TMEM131: variants seen among roughly 807,000 people sequenced by gnomAD.
TMEM131 encodes the protein 2610524E03Rik.
In TMEM131, 66 loss-of-function variants were observed where a neutral mutation model predicts 211.6. The ratio of observed to expected loss-of-function variants is 0.31; its 90% CI spans 0.26 to 0.38. The LOEUF (loss-of-function observed/expected upper bound fraction) is 0.38, where lower values mean the gene tolerates loss of function less well. Ranked by LOEUF, TMEM131 falls within the 10% of genes least tolerant of loss-of-function variation. TMEM131 has a pLI of 1.00. For missense variants in TMEM131, 2,036 were observed against 2,299.3 expected (o/e 0.89, Z 2.34); for synonymous variants, 844 against 841.3 (o/e 1.00, Z -0.06).
At chr2:97,912,698 C>T (rs1218142925) in intron 2 of TMEM131, among the ~76,000 whole-genome samples, 1 of 152,132 alleles carries the variant, frequency 6.6e-6, no homozygotes, top group Non-Finnish European at 1.5e-5. Context: ...TCCTACCTCC[C>T]CATCCCCAAA....
chr2:97,946,581 A>C (rs748812391), intron 1 of TMEM131, among the ~76,000 whole-genome samples: 8 of 152,016 alleles, frequency 5.3e-5, no homozygotes, highest in Non-Finnish European at 1.0e-4. Flanking sequence ...TACTTAAGAA[A>C]CTTATTTTGT....
At chr2:97,853,849 T>C (rs941798035) in intron 5 of TMEM131, among the ~76,000 whole-genome samples, 1 of 152,114 alleles carries the variant, frequency 6.6e-6, no homozygotes, top group Non-Finnish European at 1.5e-5. Context: ...GAAGAGGAGT[T>C]GTTTCTTAGG....
chr2:97,901,700 G>C (rs1364771276), intron 3 of TMEM131, among the ~76,000 whole-genome samples: 1 of 152,288 alleles, frequency 6.6e-6, no homozygotes, highest in East Asian at 1.9e-4. Flanking sequence ...AATATTGCAT[G>C]TTCTGACTTA....
chr2:97,771,627 T>G (rs1443497428), intron 33 of TMEM131, among the ~76,000 whole-genome samples: 1 of 152,268 alleles, frequency 6.6e-6, no homozygotes, highest in African/African-American at 2.4e-5. Context: ...GTATTACTGA[T>G]GCACCAACAC....
At chr2:97,966,742 TACTC>T (rs1414772784) in intron 1 of TMEM131, among the ~76,000 whole-genome samples, 1 of 152,112 alleles carries the variant, frequency 6.6e-6, no homozygotes, top group African/African-American at 2.4e-5. Flanking sequence ...GATGATTCAA[TACTC>T]ACACCAACCC....
chr2:97,887,042 G>A (rs1313481159), intron 4 of TMEM131, among the ~76,000 whole-genome samples: 1 of 152,202 alleles, frequency 6.6e-6, no homozygotes, highest in Admixed American at 6.5e-5. Flanking sequence ...GATGGCTTGG[G>A]TGTCTGTTGG....
At position 97,818,466 on chromosome 2, in the gene TMEM131, G is replaced by T. The variant is rs113168938; in HGVS notation, c.1183+147C>A. On this transcript the variant is annotated intron_variant, in intron 12 of 40. Coordinates refer to ENST00000186436, the MANE Select transcript of TMEM131 (RefSeq NM_015348.2). ...AAGAGTTCATGATGGTTTACAGCGG[G>T]GGGGGGCGGGGGGGGATCAACCTAA... 18 of 303,860 alleles carry T rather than the reference G, an allele frequency of 5.9e-5. 4 individuals carry two copies. The highest frequency in any genetic ancestry group is 2.0e-4 in the Admixed American group (4 of 19,742). The allele number at this position is 303,860 out of a possible 1,614,324, so 18.8% of individuals were successfully genotyped here.
At chr2:97,779,056 G>T (rs528829966) in intron 31 of TMEM131, among the ~76,000 whole-genome samples, 1 of 152,336 alleles carries the variant, frequency 6.6e-6, no homozygotes, top group Admixed American at 6.5e-5. Context: ...AAATACTGCA[G>T]TCTGGGCCCG....
intron 3 of TMEM131, among the ~76,000 whole-genome samples, chr2:97,906,346 A>G (rs1400271281): frequency 1.3e-5 from 2 of 152,120 alleles, no homozygotes; most frequent in Non-Finnish European, 2.9e-5. Flanking sequence ...TATTTACCCA[A>G]CTCATGATCC....
chr2:97,790,083 A>G (rs1680429689), intron 31 of TMEM131, among the ~76,000 whole-genome samples: 1 of 152,324 alleles, frequency 6.6e-6, no homozygotes, highest in Non-Finnish European at 1.5e-5. Flanking sequence ...GGGAGAAAAA[A>G]AAGAACGTGT....
Position 97,834,797 on chromosome 2 carries a change from A to G in TMEM131, c.933T>C (p.Pro311=). The G allele has an allele frequency of 6.2e-7, 1 of 1,613,680 alleles. No homozygotes were observed. Among genetic ancestry groups the G allele is most frequent in the Non-Finnish European group, 8.5e-7 (1 of 1,179,754 alleles). ...ASDSTEFIIL[P]VEVEVTTAPG... ...AACCTGTTGTAACTTCAACCTCAAC[A>G]GGAAGAATGATAAACTCTGTGCTGT... is the stretch of plus-strand genomic sequence containing the variant. The change falls in exon 9 of 41, where the codon CCT becomes CCC. Residue 311 remains proline, a synonymous_variant. Transcript: ENST00000186436.
rs1353480244 is a variant in TMEM131, at chr2:97,995,900, G to A, written c.-238C>T. On this transcript the variant is annotated 5_prime_UTR_variant, in exon 1 of 41. Coordinates refer to ENST00000186436, the MANE Select transcript of TMEM131 (RefSeq NM_015348.2). ...AAGCAGTCGGAGCGGAGAGGCCGCGGGTCAGGCGCGGCGGGCGGCCATACT... is the reference window on the plus strand; with the variant it reads ...AAGCAGTCGGAGCGGAGAGGCCGCGAGTCAGGCGCGGCGGGCGGCCATACT... The A allele has an allele frequency of 3.1e-5, 7 of 222,406 alleles. No homozygotes were observed. Among genetic ancestry groups the A allele is most frequent in the Non-Finnish European group, 1.7e-5 (2 of 115,964 alleles). The allele number at this position is 222,406 out of a possible 1,614,324, so 13.8% of individuals were successfully genotyped here. A position where few individuals can be genotyped will look rare whatever the true frequency, so the allele number is the denominator to read the frequency against.
chr2:97,775,737 A>G, intron 32 of TMEM131, 106 bp downstream of exon 32: 1 of 1,268,298 alleles, frequency 7.9e-7, no homozygotes, highest in South Asian at 1.6e-5. Context: ...CTAGATTTAA[A>G]CATTACTTTT....
At chr2:97,784,443 C>CA (rs1436775161) in intron 31 of TMEM131, among the ~76,000 whole-genome samples, 2 of 151,918 alleles carry the variant, frequency 1.3e-5, no homozygotes, top group Non-Finnish European at 2.9e-5. Context: ...AAAGCAATAA[C>CA]AGAAAGATAG....
At chr2:97,800,255 C>A (rs890653067) in intron 25 of TMEM131, among the ~76,000 whole-genome samples, 3 of 152,104 alleles carry the variant, frequency 2.0e-5, no homozygotes, top group African/African-American at 7.2e-5. Flanking sequence ...ATAGAATTTA[C>A]TCTAAGCTCA....
chr2:97,906,265 T>C (rs1164400639), intron 3 of TMEM131, among the ~76,000 whole-genome samples: 1 of 152,208 alleles, frequency 6.6e-6, no homozygotes, highest in Non-Finnish European at 1.5e-5. Context: ...TATAGCATCC[T>C]GGACTCACTA....
intron 1 of TMEM131, among the ~76,000 whole-genome samples, chr2:97,943,981 C>T (rs549646650): frequency 6.2e-4 from 95 of 152,216 alleles, no homozygotes; most frequent in Non-Finnish European, 9.9e-4. Flanking sequence ...ACCTGGGAGG[C>T]TGAGGCAGGA....
At chr2:97,936,856 A>T (rs1158986877) in intron 1 of TMEM131, among the ~76,000 whole-genome samples, 2 of 152,212 alleles carry the variant, frequency 1.3e-5, no homozygotes, top group African/African-American at 4.8e-5. Flanking sequence ...ATTACTGAAT[A>T]ATTTAATTCA....
At chr2:97,928,048 C>T (rs1677063076) in intron 1 of TMEM131, among the ~76,000 whole-genome samples, 3 of 152,140 alleles carry the variant, frequency 2.0e-5, no homozygotes, top group Admixed American at 2.0e-4. Flanking sequence ...ACCATACAAT[C>T]TGGCGATCGT....
Sources: allele counts gnomAD v4.1 joint callset (sites outside exome capture counted in the v4.1 genomes callset), GRCh38; gene constraint gnomAD v4.1.1; transcripts MANE v1.5; gene names NCBI Gene and HGNC (gene_info 2026-07-23, HGNC 2026-07-21).